SLCO2B1: variants seen among roughly 807,000 people sequenced by gnomAD.
The protein encoded by SLCO2B1 is OATP-RP2.
In SLCO2B1, 41 loss-of-function variants were observed where a neutral mutation model predicts 67.3. That is an observed-to-expected ratio of 0.61 (90% CI 0.47 to 0.79). The LOEUF (loss-of-function observed/expected upper bound fraction) is 0.79. Among genes scored for constraint, SLCO2B1 ranks in the 30% least tolerant of loss-of-function variants. SLCO2B1 has a pLI of 0.00. For synonymous variants in SLCO2B1, 379 were observed against 381.4 expected (o/e 0.99, Z 0.07); for missense variants, 837 against 920.1 (o/e 0.91, Z 1.17).
intron 1 of SLCO2B1, among the ~76,000 whole-genome samples, chr11:75,153,986 C>A (rs865916960): frequency 6.8e-6 from 1 of 146,202 alleles, no homozygotes; most frequent in Non-Finnish European, 1.5e-5. Context: ...AGGGCAATGG[C>A]GCCATCTCGG....
Position 75,203,355 on chromosome 11 carries a change from G to T in SLCO2B1, c.1877G>T (p.Cys626Phe). The T allele has an allele frequency of 6.2e-7, 1 of 1,614,186 alleles. No homozygotes were observed. Among genetic ancestry groups the T allele is most frequent in the Admixed American group, 1.7e-5 (1 of 60,028 alleles). ...CACGGCAGCGCCATCGACACCACCT[G>T]TGTGCACTGGGCCCTGAGCTGTGGG... is the stretch of plus-strand genomic sequence containing the variant. ...VIHGSAIDTT[C>F]VHWALSCGRR... is the part of the protein sequence containing the mutation. Residue 626 changes from cysteine to phenylalanine, a missense_variant, in exon 13 of 14, where the codon TGT (cysteine) becomes TTT (phenylalanine). By Grantham distance (205) the Cys-to-Phe change is radical (BLOSUM62 -2). Coordinates refer to ENST00000289575, the MANE Select transcript of SLCO2B1 (RefSeq NM_007256.5).
At chr11:75,185,036 G>GA (rs1004390295) in intron 7 of SLCO2B1, among the ~76,000 whole-genome samples, 14 of 151,936 alleles carry the variant, frequency 9.2e-5, no homozygotes, top group African/African-American at 2.9e-4. Flanking sequence ...AGAAGAAAGG[G>GA]AAAAAAAGTC....
At chr11:75,178,779 AAC>A (rs1405950102) in intron 7 of SLCO2B1, among the ~76,000 whole-genome samples, 1 of 152,226 alleles carries the variant, frequency 6.6e-6, no homozygotes, top group African/African-American at 2.4e-5. Flanking sequence ...TCCTTTGACT[AAC>A]AACTTGCTCT....
chr11:75,204,943 C>A lies in SLCO2B1; in HGVS notation c.*363C>A, dbSNP rs1342600999. 1 of 166,512 alleles carries A rather than the reference C, an allele frequency of 6.0e-6. No homozygotes were observed. Among genetic ancestry groups the A allele is most frequent in the Non-Finnish European group, 1.3e-5 (1 of 77,848 alleles). The allele number at this position is 166,512 out of a possible 1,614,324, so 10.3% of individuals were successfully genotyped here. On this transcript the variant is annotated 3_prime_UTR_variant, in exon 14 of 14. Coordinates refer to ENST00000289575, the MANE Select transcript of SLCO2B1 (RefSeq NM_007256.5). Reference sequence around the variant, plus strand: ...GGGCCAGGCTGCCCTCCATGCTGGGCCCCAGCCCAGGTCTGCACTCGCCTG... The same window carrying A: ...GGGCCAGGCTGCCCTCCATGCTGGGACCCAGCCCAGGTCTGCACTCGCCTG...
chr11:75,169,067 C>A, intron 4 of SLCO2B1, 106 bp from the exon 5 acceptor site: 1 of 925,176 alleles, frequency 1.1e-6, no homozygotes, highest in Non-Finnish European at 1.6e-6. Flanking sequence ...TGTTGTGGGG[C>A]TCAAATTATT....
rs547358306 is a variant in SLCO2B1 at position 75,180,036 on chromosome 11, G to A, written c.972+7467G>A. On this transcript the variant is annotated intron_variant, in intron 7 of 13. Coordinates refer to ENST00000289575, the MANE Select transcript of SLCO2B1 (RefSeq NM_007256.5). ...TTTTTATTTATTATTTATTTATTTT[G>A]AAATGGAGTCTCTCTCTGTCACCCA... Among the ~76,000 whole-genome samples, 403 of 151,644 alleles carry A rather than the reference G, an allele frequency of 2.7e-3. 1 individual carries two copies. The highest frequency in any genetic ancestry group is 6.6e-3 in the Admixed American group (100 of 15,214).
At chr11:75,161,755 T>G (rs1591809875) in intron 1 of SLCO2B1, among the ~76,000 whole-genome samples, 2 of 151,816 alleles carry the variant, frequency 1.3e-5, no homozygotes, top group Admixed American at 6.6e-5. Context: ...GAGGAGCAGG[T>G]GGTTTCAGTC....
At chr11:75,204,318 A>T (rs1258656741) in intron 13 of SLCO2B1, 82 bp from the exon 14 acceptor site, 1 of 1,399,490 alleles carries the variant, frequency 7.1e-7, no homozygotes, top group Admixed American at 2.2e-5. Flanking sequence ...AGTATCTCTG[A>T]TTTCACAATG....
intron 6 of SLCO2B1, 100 bp from the exon 7 acceptor site, chr11:75,172,279 C>A (rs768947346): frequency 1.8e-6 from 2 of 1,106,194 alleles, no homozygotes; most frequent in African/African-American, 1.6e-5. Context: ...TGACTCCCAG[C>A]CTGGGCCACC....
Position 75,193,554 on chromosome 11 carries a change from C to G in SLCO2B1, c.1412C>G (p.Ala471Gly). The G allele has an allele frequency of 6.4e-7, 1 of 1,562,332 alleles. No individual in the cohort carries two copies. Residue 471 changes from alanine to glycine, a missense_variant, in exon 9 of 14, where the codon GCG becomes GGG. Ala to Gly is a moderately conservative substitution (Grantham distance 60). Coordinates refer to ENST00000289575, the MANE Select transcript of SLCO2B1 (RefSeq NM_007256.5). The surrounding 1 kb of genome is among the most constrained non-coding windows in gnomAD (Gnocchi z 4.2). The stretch of plus-strand genomic sequence containing the variant: ...ATCGGCTGCTCCAGCCACCAGATTG[C>G]GGGCATCACACACCAGACCAGGTGA... ...FFIGCSSHQI[A>G]GITHQTSAHP...
intron 7 of SLCO2B1, among the ~76,000 whole-genome samples, chr11:75,178,934 A>G (rs1400463641): frequency 6.6e-6 from 1 of 152,202 alleles, no homozygotes. Context: ...GGTTTTCACA[A>G]TGACAGGATT....
At position 75,188,160 on chromosome 11, in the gene SLCO2B1, A is replaced by C. The variant is rs1306921828; in HGVS notation, c.997A>C (p.Ser333Arg). 1.2e-6 allele frequency: 2 copies of C among 1,613,644 alleles called. No homozygotes were observed. The highest frequency in any genetic ancestry group is 1.7e-6 in the Non-Finnish European group (2 of 1,179,796). The change falls in exon 8 of 14, where the codon AGC becomes CGC. Residue 333 changes from serine to arginine, a missense_variant. Coordinates refer to ENST00000289575, the MANE Select transcript of SLCO2B1 (RefSeq NM_007256.5). The part of the protein sequence containing the change: ...RKGKDSPSKQ[S>R]PGESTKKQDG... ...GGGCAAGGACTCTCCCTCTAAGCAG[A>C]GCCCTGGGGAGTCCACGAAGAAGCA...
intron 7 of SLCO2B1, among the ~76,000 whole-genome samples, chr11:75,174,889 C>T (rs1663233992): frequency 6.6e-6 from 1 of 152,142 alleles, no homozygotes; most frequent in Non-Finnish European, 1.5e-5. Flanking sequence ...AGTCATGTGA[C>T]CTTGAGCAGC....
chr11:75,160,389 G>A (rs1431887838), intron 1 of SLCO2B1, among the ~76,000 whole-genome samples: 4 of 152,218 alleles, frequency 2.6e-5, no homozygotes, highest in Non-Finnish European at 4.4e-5. Flanking sequence ...GTCCTTATCA[G>A]AAGCATAGAG....
intron 3 of SLCO2B1, among the ~76,000 whole-genome samples, chr11:75,165,237 GC>G (rs1232217151): frequency 6.6e-6 from 1 of 152,060 alleles, no homozygotes; most frequent in Non-Finnish European, 1.5e-5. Context: ...TTTGAGACCT[GC>G]CTGGCCGACA....
chr11:75,191,980 C>T (rs1175978050), intron 8 of SLCO2B1, among the ~76,000 whole-genome samples: 1 of 152,174 alleles, frequency 6.6e-6, no homozygotes, highest in Non-Finnish European at 1.5e-5. Flanking sequence ...ATTTTAGGAG[C>T]TAGCAGGAGA....
chr11:75,198,566 G>A (rs1945137243), intron 10 of SLCO2B1, among the ~76,000 whole-genome samples: 1 of 152,250 alleles, frequency 6.6e-6, no homozygotes, highest in Non-Finnish European at 1.5e-5. Flanking sequence ...CCAGGGCTGG[G>A]ACTAGGCACC....
rs747571924 is a variant in SLCO2B1 at position 75,151,406 on chromosome 11, G to A, written c.16+9G>A. On this transcript the variant is annotated intron_variant, in intron 1 of 13. Transcript: ENST00000289575. ...CATGGGACCCAGGATAGGTAAGTCC[G>A]AACAAATTAAGGAAGGGCCATGGAG... 24 of 1,613,510 alleles carry A rather than the reference G, an allele frequency of 1.5e-5. No individual in the cohort carries two copies. The highest frequency in any genetic ancestry group is 5.0e-5 in the Admixed American group (3 of 59,958).
At chr11:75,160,083 C>T (rs1175376015) in intron 1 of SLCO2B1, among the ~76,000 whole-genome samples, 2 of 152,204 alleles carry the variant, frequency 1.3e-5, no homozygotes, top group Non-Finnish European at 2.9e-5. Context: ...CCACCCCTCT[C>T]CCCCATCCAT....
Sources: gnomAD v4.1 joint callset for allele counts (sites outside exome capture counted in the v4.1 genomes callset) on GRCh38, gnomAD v4.1.1 for gene constraint, Gnocchi (gnomAD v3.1) non-coding constraint, MANE v1.5 for transcripts, NCBI Gene and HGNC (gene_info 2026-07-23, HGNC 2026-07-21) for gene names.